NALCN: variants seen among roughly 807,000 people sequenced by gnomAD.
The protein encoded by NALCN is sodium leak channel, non-selective, also known as sodium leak channel NALCN.
A neutral mutation model predicts 225.3 loss-of-function variants in NALCN; 111 were observed. The ratio of observed to expected loss-of-function variants is 0.49; its 90% CI spans 0.42 to 0.58. The LOEUF (loss-of-function observed/expected upper bound fraction) is 0.58, where lower values mean the gene tolerates loss of function less well. NALCN is among the 20% of genes least tolerant of loss of function. The probability of loss-of-function intolerance (pLI) is 0.00; values close to 1 mark genes in which losing one functional copy is unlikely to be tolerated. For missense variants in NALCN, 1,378 were observed against 2,202.4 expected, an observed-to-expected ratio of 0.63 and a Z score of 7.49; for synonymous variants, 764 against 769.0, an observed-to-expected ratio of 0.99 and a Z score of 0.11.
chr13:101,069,145 C>A (rs1369015572), intron 37 of NALCN, among the ~76,000 whole-genome samples: 1 of 152,198 alleles, frequency 6.6e-6, no homozygotes, highest in Non-Finnish European at 1.5e-5. Context: ...CCACTGTGAT[C>A]AAACTGCAGA....
chr13:101,057,449 GTTGT>G (rs4000953), intron 43 of NALCN: 6,757 of 182,754 alleles, frequency 0.037, 463 homozygotes, highest in African/African-American at 0.15. Context: ...GTTTGTTGTT[GTTGT>G]TTGTTATTGT....
intron 17 of NALCN, among the ~76,000 whole-genome samples, chr13:101,134,714 A>AT (rs1370554491): frequency 5.9e-5 from 9 of 151,298 alleles, no homozygotes; most frequent in South Asian, 4.2e-4. Flanking sequence ...AATGGATCTG[A>AT]TTTTTTTTTG....
chr13:101,060,641 AT>A (rs1281583165), intron 41 of NALCN, among the ~76,000 whole-genome samples: 2 of 151,780 alleles, frequency 1.3e-5, no homozygotes, highest in East Asian at 3.9e-4. Flanking sequence ...TTCTCCTCTT[AT>A]TTTATTCTAG....
chr13:101,342,958 G>C (rs924076290), intron 7 of NALCN, among the ~76,000 whole-genome samples: 1 of 152,084 alleles, frequency 6.6e-6, no homozygotes, highest in African/African-American at 2.4e-5. Context: ...ATGGTAATTT[G>C]ATTAGTAAGA....
At chr13:101,091,473 A>G (rs1286101489) in intron 28 of NALCN, among the ~76,000 whole-genome samples, 2 of 152,196 alleles carry the variant, frequency 1.3e-5, no homozygotes, top group Non-Finnish European at 2.9e-5. Flanking sequence ...ACTGAAACTG[A>G]TTTGTTCTTA....
chr13:101,254,109 G>A (rs894333554), intron 11 of NALCN, among the ~76,000 whole-genome samples: 2 of 152,080 alleles, frequency 1.3e-5, no homozygotes, highest in Non-Finnish European at 2.9e-5. Context: ...ACGGCCAGGA[G>A]TGATGGCTCA....
At chr13:101,279,876 T>TAAATAAATA (rs1165525046) in intron 10 of NALCN, among the ~76,000 whole-genome samples, 2 of 148,934 alleles carry the variant, frequency 1.3e-5, no homozygotes, top group Non-Finnish European at 3.0e-5. Flanking sequence ...AATAAATAAA[T>TAAATAAATA]AAAAAGAAGT....
intron 7 of NALCN, among the ~76,000 whole-genome samples, chr13:101,313,723 C>T (rs1362882150): frequency 6.6e-6 from 1 of 152,182 alleles, no homozygotes; most frequent in South Asian, 2.1e-4. Flanking sequence ...GGACTATAAA[C>T]TAGTTCAACC....
chr13:101,077,684 T>C (rs1028326173), intron 34 of NALCN, among the ~76,000 whole-genome samples: 7 of 152,160 alleles, frequency 4.6e-5, no homozygotes, highest in Non-Finnish European at 7.3e-5. Flanking sequence ...ATTTGGAAAA[T>C]GTGCAGTCTG....
chr13:101,310,675 A>G (rs2044310060), intron 7 of NALCN, among the ~76,000 whole-genome samples: 1 of 152,158 alleles, frequency 6.6e-6, no homozygotes. Context: ...CAACTCCATG[A>G]AAGCAAGGAT....
chr13:101,319,892 C>A (rs992026184), intron 7 of NALCN, among the ~76,000 whole-genome samples: 2 of 152,132 alleles, frequency 1.3e-5, no homozygotes, highest in African/African-American at 4.8e-5. Flanking sequence ...AAAAAAATAG[C>A]TATTCTATTC....
At position 101,054,720 on chromosome 13, in the gene NALCN, G is replaced by A. The variant is rs2030996534; in HGVS notation, c.*575C>T. The A allele has an allele frequency of 6.6e-6, 1 of 152,136 alleles. No homozygotes were observed. The highest frequency in any genetic ancestry group is 2.4e-5 in the African/African-American group (1 of 41,426). 9.4% of individuals were successfully genotyped at this position (152,136 alleles called of 1,614,324 possible). On this transcript the variant is annotated 3_prime_UTR_variant, in exon 44 of 44. Coordinates refer to ENST00000251127, the MANE Select transcript of NALCN (RefSeq NM_052867.4). ...ACTTGTTCTGGTCACCAAATGTCTT[G>A]TGTATATTTAAAAATATAACACGAG...
At chr13:101,172,725 A>G (rs2038787642) in intron 15 of NALCN, among the ~76,000 whole-genome samples, 1 of 144,362 alleles carries the variant, frequency 6.9e-6, no homozygotes, top group Non-Finnish European at 1.6e-5. Flanking sequence ...ACGCGCAGCT[A>G]ATTTTTTTGT....
At chr13:101,126,138 AC>A (rs2036217926) in intron 17 of NALCN, among the ~76,000 whole-genome samples, 1 of 152,248 alleles carries the variant, frequency 6.6e-6, no homozygotes. Context: ...AACCAGAGTA[AC>A]AAACAGGTCT....
chr13:101,188,735 G>A (rs966626796), intron 14 of NALCN, among the ~76,000 whole-genome samples: 2 of 151,196 alleles, frequency 1.3e-5, no homozygotes, highest in African/African-American at 4.9e-5. Context: ...CCCAGGCTGG[G>A]GTACAACAGC....
In NALCN at chr13:101,339,918, T is replaced by C. The variant is rs772657017; in HGVS notation, c.799+5348A>G. On this transcript the variant is annotated intron_variant, in intron 7 of 43. Coordinates refer to ENST00000251127, the MANE Select transcript of NALCN (RefSeq NM_052867.4). ...TGCCTTCTAGAATGCTAGTCATTGA[T>C]TGGAATAAAATGAAATGGGAGATAT... Among the ~76,000 whole-genome samples the C allele has an allele frequency of 2.2e-4, 33 of 151,954 alleles. 1 individual carries two copies. Among genetic ancestry groups the C allele is most frequent in the Admixed American group, 1.9e-3 (29 of 15,266 alleles).
intron 4 of NALCN, among the ~76,000 whole-genome samples, chr13:101,377,457 T>C (rs995994897): frequency 6.6e-6 from 1 of 152,168 alleles, no homozygotes; most frequent in Non-Finnish European, 1.5e-5. Context: ...CACTATTTAC[T>C]AACAGGCAAA....
chr13:101,384,279 G>A (rs571734522), intron 3 of NALCN, among the ~76,000 whole-genome samples: 4 of 152,116 alleles, frequency 2.6e-5, no homozygotes, highest in African/African-American at 7.2e-5. Flanking sequence ...AACAAGAAAT[G>A]GAGGGCAGAG....
intron 27 of NALCN, among the ~76,000 whole-genome samples, chr13:101,096,723 G>A (rs2139581026): frequency 6.6e-6 from 1 of 152,222 alleles, no homozygotes; most frequent in Non-Finnish European, 1.5e-5. Context: ...GTGGTATGTG[G>A]ATTACATCTC....
Sources: allele counts gnomAD v4.1 joint callset (sites outside exome capture counted in the v4.1 genomes callset), GRCh38; gene constraint gnomAD v4.1.1; transcripts MANE v1.5; gene names NCBI Gene and HGNC (gene_info 2026-07-23, HGNC 2026-07-21).